Variants in MTREX observed in about 807,000 individuals in gnomAD.
The protein encoded by MTREX is Mtr4 exosome RNA helicase.
Under a neutral mutation model 135.4 loss-of-function variants are expected in MTREX, and 76 were observed. The observed-to-expected ratio is 0.56, with a 90% CI of 0.47 to 0.68. MTREX has a LOEUF of 0.68. Among genes scored for constraint, MTREX ranks in the 30% least tolerant of loss-of-function variants. The pLI is 0.00. For missense variants in MTREX, 920 were observed against 1,262.1 expected (o/e 0.73, Z 4.11); for synonymous variants, 404 against 401.6 (o/e 1.01, Z -0.07).
At chr5:55,377,156 G>A (rs568012102) in intron 16 of MTREX, among the ~76,000 whole-genome samples, 12 of 151,950 alleles carry the variant, frequency 7.9e-5, no homozygotes, top group South Asian at 2.1e-4. Flanking sequence ...GGTGAAACCC[G>A]TCCCTACTAA....
intron 15 of MTREX, among the ~76,000 whole-genome samples, chr5:55,365,498 G>A (rs1008734529): frequency 2.0e-5 from 3 of 152,078 alleles, no homozygotes; most frequent in Admixed American, 2.0e-4. Flanking sequence ...ATTTCATAAG[G>A]TTGTCCTGTG....
intron 16 of MTREX, among the ~76,000 whole-genome samples, chr5:55,373,480 ATGG>A (rs1181155734): frequency 6.6e-6 from 1 of 152,150 alleles, no homozygotes; most frequent in Non-Finnish European, 1.5e-5. Context: ...GTTGAGGAAG[ATGG>A]TGCACTCCAT....
chr5:55,380,230 A>G (rs10041591), intron 18 of MTREX, among the ~76,000 whole-genome samples: 21,683 of 152,000 alleles, frequency 0.14, 1,927 homozygotes, highest in East Asian at 0.26. Flanking sequence ...ATGAGCCACC[A>G]CGCCCGGCCT....
At chr5:55,343,081 A>G (rs1295603303) in intron 7 of MTREX, among the ~76,000 whole-genome samples, 1 of 152,188 alleles carries the variant, frequency 6.6e-6, no homozygotes, top group Non-Finnish European at 1.5e-5. Flanking sequence ...GTTTGGAAAG[A>G]TTAACCCTGG....
intron 24 of MTREX, 115 bp downstream of exon 24, chr5:55,414,353 A>C: frequency 1.2e-6 from 1 of 837,736 alleles, no homozygotes; most frequent in Non-Finnish European, 1.8e-6. Flanking sequence ...GATAACCTAT[A>C]AGGATTAAAT....
At chr5:55,383,455 T>A (rs1750429926) in intron 18 of MTREX, among the ~76,000 whole-genome samples, 1 of 152,198 alleles carries the variant, frequency 6.6e-6, no homozygotes. Flanking sequence ...GATTCTTGGT[T>A]AACAGTTGTT....
rs1228799207 is a variant in MTREX, at chr5:55,378,163, A to G, written c.1811-151A>G. 19 of 829,576 alleles carry G rather than the reference A, an allele frequency of 2.3e-5. No homozygotes were observed. In the South Asian group the frequency reaches 2.3e-4, roughly 10 times the overall value. The allele number at this position is 829,576 out of a possible 1,614,324, so 51.4% of individuals were successfully genotyped here. ...GACAGGGTTTGGGGAGCTTTTGGATAGATGAACACATAGAGACTTACAGGA... is the reference window on the plus strand; with the variant it reads ...GACAGGGTTTGGGGAGCTTTTGGATGGATGAACACATAGAGACTTACAGGA... On this transcript the variant is annotated intron_variant, in intron 16 of 26. Coordinates refer to ENST00000230640, the MANE Select transcript of MTREX (RefSeq NM_015360.5).
At chr5:55,325,094 T>G (rs1262007367) in intron 3 of MTREX, among the ~76,000 whole-genome samples, 1 of 152,214 alleles carries the variant, frequency 6.6e-6, no homozygotes, top group African/African-American at 2.4e-5. Flanking sequence ...CACTATTTCC[T>G]TCTCAAAATT....
At chr5:55,391,191 A>G (rs1415556403) in intron 19 of MTREX, among the ~76,000 whole-genome samples, 1 of 152,210 alleles carries the variant, frequency 6.6e-6, no homozygotes, top group African/African-American at 2.4e-5. Flanking sequence ...TTATAATCCC[A>G]GCACTTTGGG....
intron 24 of MTREX, among the ~76,000 whole-genome samples, chr5:55,415,219 G>GAAGAAAA (rs1750949048): frequency 6.7e-6 from 1 of 150,080 alleles, no homozygotes; most frequent in East Asian, 1.9e-4. Flanking sequence ...AGAGGTTGAG[G>GAAGAAAA]AAGAAAAAAG....
At chr5:55,320,676 CAT>C (rs1445453912) in intron 1 of MTREX, among the ~76,000 whole-genome samples, 6 of 152,196 alleles carry the variant, frequency 3.9e-5, no homozygotes, top group African/African-American at 1.4e-4. Flanking sequence ...CTGATAACAA[CAT>C]GTGTTAGTTT....
At chr5:55,349,733 C>G in intron 12 of MTREX, 81 bp downstream of exon 12, 1 of 762,956 alleles carries the variant, frequency 1.3e-6, no homozygotes, top group Non-Finnish European at 2.3e-6. Flanking sequence ...GGTTTTATTA[C>G]TCTATTGCAC....
intron 14 of MTREX, chr5:55,356,412 G>A: frequency 9.8e-6 from 2 of 203,410 alleles, no homozygotes; most frequent in Non-Finnish European, 2.1e-5. Context: ...CGTGGACTGG[G>A]CATATTTGGT....
intron 2 of MTREX, among the ~76,000 whole-genome samples, chr5:55,323,300 C>T (rs146512808): frequency 5.5e-4 from 83 of 152,130 alleles, no homozygotes; most frequent in African/African-American, 1.8e-3. Context: ...CTCAGAAGTA[C>T]GATAAGTAAG....
chr5:55,396,135 C>G (rs1272129530), intron 19 of MTREX, among the ~76,000 whole-genome samples: 1 of 152,090 alleles, frequency 6.6e-6, no homozygotes, highest in African/African-American at 2.4e-5. Flanking sequence ...TTCATTCTTA[C>G]AAGTTTTCTG....
In MTREX at chr5:55,414,198, A is replaced by G; in HGVS notation, c.2768A>G (p.Lys923Arg). 1.3e-6 allele frequency: 2 copies of G among 1,573,646 alleles called. No homozygotes were observed. The highest frequency in any genetic ancestry group is 1.7e-6 in the Non-Finnish European group (2 of 1,168,942). ...CTTTTATAGTCTAGTGAGATGCCCA[A>G]ATTAACAGAACAATTAGCAGGACCA... The part of the protein sequence containing the change: ...VFQENSSEMP[K>R]LTEQLAGPLR... The change falls in exon 24 of 27, where the codon AAA becomes AGA. Residue 923 changes from lysine (K) to arginine (R), a missense_variant. Coordinates refer to ENST00000230640, the MANE Select transcript of MTREX (RefSeq NM_015360.5).
At chr5:55,314,435 G>C (rs1579843201) in intron 1 of MTREX, among the ~76,000 whole-genome samples, 1 of 152,164 alleles carries the variant, frequency 6.6e-6, no homozygotes, top group Admixed American at 6.5e-5. Context: ...TAATAACAAG[G>C]GTTTATAAAA....
At chr5:55,339,818 A>G (rs1266850510) in intron 5 of MTREX, among the ~76,000 whole-genome samples, 192 bp from the exon 6 acceptor site, 1 of 152,212 alleles carries the variant, frequency 6.6e-6, no homozygotes, top group Non-Finnish European at 1.5e-5. Context: ...GACCGGAGTT[A>G]AAATGATTTT....
chr5:55,407,554 T>G (rs902777263), intron 22 of MTREX, among the ~76,000 whole-genome samples: 43 of 152,306 alleles, frequency 2.8e-4, no homozygotes, highest in African/African-American at 1.0e-3. Context: ...ATATCAAAGT[T>G]TGTTAACTTT....
Sources: allele counts gnomAD v4.1 joint callset (sites outside exome capture counted in the v4.1 genomes callset), GRCh38; gene constraint gnomAD v4.1.1; transcripts MANE v1.5; gene names NCBI Gene and HGNC (gene_info 2026-07-23, HGNC 2026-07-21).